ZNF335: variants seen among roughly 807,000 people sequenced by gnomAD.
The protein encoded by ZNF335 is zinc finger protein 335.
Under a neutral mutation model 145.6 loss-of-function variants are expected in ZNF335, and 84 were observed. The observed-to-expected ratio is 0.58, with a 90% confidence interval of 0.48 to 0.69. The LOEUF is 0.69. Ranked by LOEUF, ZNF335 falls within the 30% of genes least tolerant of loss-of-function variation. The pLI is 0.00. For synonymous variants in ZNF335, 761 were observed against 717.0 expected (o/e 1.06, Z -0.98); for missense variants, 1,865 against 1,809.7 (o/e 1.03, Z -0.55).
Position 45,957,612 on chromosome 20 carries a change from G to A in ZNF335, c.2416C>T (p.Arg806Trp), listed in dbSNP as rs762032120. ...TGCAGGGCTGTGCCCCCCAGTTCCC[G>A]CTGAGCACTCATGTTCAGCAGAAGA... ...LDLLLNMSAQ[R>W]ELGGTALQVA... Residue 806 changes from arginine to tryptophan, a missense_variant, in exon 17 of 28, where the codon CGG becomes TGG. By Grantham distance (101) the Arg-to-Trp change is moderately radical. Coordinates refer to ENST00000322927, the MANE Select transcript of ZNF335 (RefSeq NM_022095.4). The A allele has an allele frequency of 5.6e-6, 9 of 1,614,036 alleles. No individual in the cohort carries two copies. Among genetic ancestry groups the A allele is most frequent in the Admixed American group, 1.7e-5 (1 of 60,002 alleles).
chr20:45,952,268 A>G lies in ZNF335; in HGVS notation c.3068T>C (p.Ile1023Thr), dbSNP rs544636355. ...TCGGCCAGGGAAGGCCTCGGCACAGATCTTGCAGGAAAACTTCTTTGATGC... is the reference window on the plus strand; with the variant it reads ...TCGGCCAGGGAAGGCCTCGGCACAGGTCTTGCAGGAAAACTTCTTTGATGC... ...TAASKKFSCK[I>T]CAEAFPGRAE... The change falls in exon 20 of 28, where the codon ATC becomes ACC. Residue 1023 changes from isoleucine (I) to threonine (T), a missense_variant. Transcript: ENST00000322927. 7 of 1,613,502 alleles carry G rather than the reference A, an allele frequency of 4.3e-6. No homozygotes were observed. The African/African-American group carries it at 9.3e-5, about 21-fold the overall frequency.
rs771729910 is a variant in ZNF335 at position 45,963,666 on chromosome 20, G to A, written c.1356-16C>T. 4.3e-6 allele frequency: 7 copies of A among 1,613,932 alleles called. No individual in the cohort carries two copies. The South Asian group carries it at 5.5e-5, about 13-fold the overall frequency. ...GTAATAGTACCTGCAGGATGAGAGTGTGGCGGAAAGGTCTGGTGGGGTTGG... is the reference window on the plus strand; with the variant it reads ...GTAATAGTACCTGCAGGATGAGAGTATGGCGGAAAGGTCTGGTGGGGTTGG... On this transcript the variant is annotated splice_polypyrimidine_tract_variant and intron_variant, in intron 8 of 27. Transcript: ENST00000322927.
rs1388157499 is a variant in ZNF335, at chr20:45,962,170, T to C, written c.1546A>G (p.Asn516Asp). The stretch of plus-strand genomic sequence containing the variant: ...TTGTAGGGCTTGCTGCCCACGTGGT[T>C]GAACATGTGCTCCTGGGAGACAGAC... ...RWSSLKEHMF[N>D]HVGSKPYKCD... Residue 516 changes from asparagine (N) to aspartate (D), a missense_variant, in exon 10 of 28, where the codon AAC (asparagine) becomes GAC (aspartate). Asn to Asp is a conservative substitution (Grantham distance 23). Coordinates refer to ENST00000322927, the MANE Select transcript of ZNF335 (RefSeq NM_022095.4). 1.9e-6 allele frequency: 3 copies of C among 1,614,080 alleles called. No homozygotes were observed. The highest frequency in any genetic ancestry group is 2.5e-6 in the Non-Finnish European group (3 of 1,179,968).
chr20:45,955,076 C>T (rs929475553), intron 17 of ZNF335, among the ~76,000 whole-genome samples: 43 of 152,008 alleles, frequency 2.8e-4, no homozygotes, highest in East Asian at 3.9e-4. Context: ...TGAGGCCGGG[C>T]GTGGTGGCTC....
intron 20 of ZNF335, 28 bp downstream of exon 20, chr20:45,952,119 C>T (rs766311877): frequency 5.1e-6 from 8 of 1,560,832 alleles, no homozygotes; most frequent in Non-Finnish European, 6.9e-6. Context: ...TGAATGACAG[C>T]AGAGACACAG....
Position 45,960,253 on chromosome 20 carries a change from A to G in ZNF335, c.1975T>C (p.Phe659Leu). 6.2e-7 allele frequency: 1 copy of G among 1,614,198 alleles called. No individual in the cohort carries two copies. The highest frequency in any genetic ancestry group is 8.5e-7 in the Non-Finnish European group (1 of 1,180,028). The change falls in exon 14 of 28, where the codon TTC (phenylalanine) becomes CTC (leucine). Residue 659 changes from phenylalanine to leucine, a missense_variant. Physicochemically the swap from Phe to Leu is conservative, Grantham distance 22. Coordinates refer to ENST00000322927, the MANE Select transcript of ZNF335 (RefSeq NM_022095.4). Reference sequence around the variant, plus strand: ...TGGGACAGCAAGAAGTCCTCTCGGAAGGTGCGGTAGGGACAAAAGCTGCAT... The same window carrying G: ...TGGGACAGCAAGAAGTCCTCTCGGAGGGTGCGGTAGGGACAAAAGCTGCAT... ...FKCSFCPYRT[F>L]REDFLLSHVA...
intron 15 of ZNF335, 52 bp from the exon 16 acceptor site, chr20:45,957,980 T>C: frequency 6.8e-7 from 1 of 1,465,782 alleles, no homozygotes; most frequent in Admixed American, 1.7e-5. Context: ...CAGATTCAAG[T>C]GCCATTTGCC....
rs767339054 is a variant in ZNF335, at chr20:45,949,018, C to A, written c.3964G>T (p.Glu1322Ter). Reference sequence around the variant, plus strand: ...TGGTGCTGCAGCTGTTGAATGTGTTCGGGCACTGTCTCGTCTGTACCAAAC... The same window carrying A: ...TGGTGCTGCAGCTGTTGAATGTGTTAGGGCACTGTCTCGTCTGTACCAAAC... ...GLFGTDETVP[E>*]HIQQLQHQGI... The change falls in exon 28 of 28, where the codon GAA becomes TAA. Residue 1322 changes from glutamate (E) to a stop codon, truncating the protein, a stop_gained. Coordinates refer to ENST00000322927, the MANE Select transcript of ZNF335 (RefSeq NM_022095.4). LOFTEE classifies it high-confidence loss of function. The A allele has an allele frequency of 6.2e-7, 1 of 1,613,890 alleles. No individual in the cohort carries two copies. Among genetic ancestry groups the A allele is most frequent in the Admixed American group, 1.7e-5 (1 of 60,028 alleles).
intron 24 of ZNF335, 109 bp downstream of exon 24, chr20:45,949,691 G>GC: frequency 1.4e-6 from 2 of 1,463,152 alleles, no homozygotes; most frequent in Non-Finnish European, 1.9e-6. Context: ...TTGTTGGCAA[G>GC]CATGGACCCC....
intron 18 of ZNF335, among the ~76,000 whole-genome samples, chr20:45,952,958 G>C (rs1258580165): frequency 6.6e-6 from 1 of 152,176 alleles, no homozygotes; most frequent in African/African-American, 2.4e-5. Flanking sequence ...ATGGCGAGGT[G>C]GGGGGCACAC....
chr20:45,949,644 A>G, intron 24 of ZNF335, 76 bp from the exon 25 acceptor site: 3 of 1,490,454 alleles, frequency 2.0e-6, no homozygotes, highest in Non-Finnish European at 2.7e-6. Context: ...AAGAAGGCAG[A>G]GTGGAAGACT....
Position 45,948,927 on chromosome 20 carries a change from C to G in ZNF335, c.*26G>C, listed in dbSNP as rs1448515835. The G allele has an allele frequency of 6.2e-7, 1 of 1,613,672 alleles. No homozygotes were observed. On this transcript the variant is annotated 3_prime_UTR_variant, in exon 28 of 28. Transcript: ENST00000322927. ...CCCCCAGGAGAGCTGGCCGCAAATC[C>G]ATGATCTGTGTTGGGCCCTCGGGGC...
In ZNF335 at chr20:45,957,883, A is replaced by G. The variant is rs2145379025; in HGVS notation, c.2299T>C (p.Leu767=). ...TTFQSSEAPS[L]LCSDTLGGAT... ...CCGCCCAGGGTGTCAGAACAGAGCAATGAGGGAGCCTCAGATGACTGGAAA... is the reference window on the plus strand; with the variant it reads ...CCGCCCAGGGTGTCAGAACAGAGCAGTGAGGGAGCCTCAGATGACTGGAAA... Residue 767 remains leucine (L), a synonymous_variant, in exon 16 of 28, where the codon TTG becomes CTG. Transcript: ENST00000322927. 1 of 1,614,020 alleles carries G rather than the reference A, an allele frequency of 6.2e-7. No individual in the cohort carries two copies. Among genetic ancestry groups the G allele is most frequent in the Non-Finnish European group, 8.5e-7 (1 of 1,180,006 alleles).
At position 45,950,513 on chromosome 20, in the gene ZNF335, C is replaced by T. The variant is rs770334376; in HGVS notation, c.3272G>A (p.Arg1091His). 1.1e-5 allele frequency: 17 copies of T among 1,614,084 alleles called. No homozygotes were observed. Among genetic ancestry groups the T allele is most frequent in the Middle Eastern group, 1.6e-4 (1 of 6,082 alleles). Residue 1091 changes from arginine (R) to histidine (H), a missense_variant, in exon 21 of 28, where the codon CGT (arginine) becomes CAT (histidine). Coordinates refer to ENST00000322927, the MANE Select transcript of ZNF335 (RefSeq NM_022095.4). Reference sequence around the variant, plus strand: ...CTTTGTGTGAGTCAGCATGTGCCGACGCAGGTCCTTCTTGTTCTTGGAGGC... The same window carrying T: ...CTTTGTGTGAGTCAGCATGTGCCGATGCAGGTCCTTCTTGTTCTTGGAGGC... ...SFASKNKKDLRRHMLTHTKEK... is the reference protein window; with the variant it reads ...SFASKNKKDLHRHMLTHTKEK...
At position 45,949,867 on chromosome 20, in the gene ZNF335, G is replaced by A. The variant is rs759314603; in HGVS notation, c.3602C>T (p.Ala1201Val). ...EQTVTNQEEA[A>V]YIQEITTADG... Reference sequence around the variant, plus strand: ...TGCCGTGGTGATCTCTTGGATGTAGGCGGCTTCCTCCTGCCAGGACCAAGA... The same window carrying A: ...TGCCGTGGTGATCTCTTGGATGTAGACGGCTTCCTCCTGCCAGGACCAAGA... The change falls in exon 24 of 28, where the codon GCC becomes GTC. Residue 1201 changes from alanine to valine, a missense_variant. Ala to Val is a moderately conservative substitution (Grantham distance 64, BLOSUM62 0). Transcript: ENST00000322927. The A allele has an allele frequency of 1.2e-6, 2 of 1,614,086 alleles. No individual in the cohort carries two copies. The highest frequency in any genetic ancestry group is 1.1e-5 in the South Asian group (1 of 91,066).
chr20:45,963,127 T>C (rs761262393), intron 9 of ZNF335, among the ~76,000 whole-genome samples: 2 of 152,124 alleles, frequency 1.3e-5, no homozygotes. Context: ...AGGAACCCTT[T>C]TCTTGAGACA....
At chr20:45,956,519 C>A (rs1040019351) in intron 17 of ZNF335, among the ~76,000 whole-genome samples, 3 of 152,190 alleles carry the variant, frequency 2.0e-5, no homozygotes, top group Non-Finnish European at 2.9e-5. Flanking sequence ...TAAGCCACCA[C>A]GCCAGGCCCA....
intron 17 of ZNF335, among the ~76,000 whole-genome samples, chr20:45,956,744 C>G (rs908728601): frequency 1.3e-5 from 2 of 151,896 alleles, no homozygotes; most frequent in African/African-American, 4.8e-5. Flanking sequence ...CGATCCCTAC[C>G]TTTCTGCATA....
intron 10 of ZNF335, 141 bp from the exon 11 acceptor site, chr20:45,961,023 G>T (rs920318514): frequency 4.1e-5 from 45 of 1,104,456 alleles, no homozygotes; most frequent in Non-Finnish European, 5.3e-5. Flanking sequence ...TTCCCCAGCT[G>T]GAGTTCACTG....
Sources: gnomAD v4.1 joint callset for allele counts (sites outside exome capture counted in the v4.1 genomes callset) on GRCh38, gnomAD v4.1.1 for gene constraint, MANE v1.5 for transcripts, NCBI Gene and HGNC (gene_info 2026-07-23, HGNC 2026-07-21) for gene names.